FOCAD: variants seen among roughly 807,000 people sequenced by gnomAD.
FOCAD encodes KIAA1797.
Under a neutral mutation model 225.6 loss-of-function variants are expected in FOCAD, and 198 were observed. That is an observed-to-expected ratio of 0.88 (90% CI 0.78 to 0.99). FOCAD has a LOEUF of 0.99. FOCAD is among the 50% of genes least tolerant of loss of function. FOCAD has a pLI of 0.00. For missense variants in FOCAD, 2,713 were observed against 2,123.6 expected (o/e 1.28, Z -5.46); for synonymous variants, 897 against 755.0 (o/e 1.19, Z -3.08).
chr9:20,680,386 C>T (rs1424283364), upstream of FOCAD, among the ~76,000 whole-genome samples: 2 of 152,056 alleles, frequency 1.3e-5, no homozygotes, highest in Non-Finnish European at 2.9e-5. Context: ...GGTGTAACCC[C>T]GTCTCTACCA....
chr9:20,774,126 C>T (rs764051605), intron 8 of FOCAD, among the ~76,000 whole-genome samples: 2 of 152,184 alleles, frequency 1.3e-5, no homozygotes, highest in Admixed American at 6.5e-5. Context: ...GGTACAGTTT[C>T]ATCCCGAAAC....
At chr9:20,903,162 T>TA (rs1338952723) in intron 21 of FOCAD, among the ~76,000 whole-genome samples, 24 of 152,024 alleles carry the variant, frequency 1.6e-4, no homozygotes, top group Admixed American at 1.2e-3. Context: ...CTCCATCTCC[T>TA]AACAATCTCA....
chr9:20,721,703 A>T (rs1825778786), intron 4 of FOCAD, among the ~76,000 whole-genome samples: 1 of 152,132 alleles, frequency 6.6e-6, no homozygotes. Context: ...TTCCATCTTA[A>T]CAACAACAAC....
chr9:20,869,442 A>C (rs182614506), intron 18 of FOCAD, among the ~76,000 whole-genome samples: 24 of 152,292 alleles, frequency 1.6e-4, no homozygotes, highest in Admixed American at 3.9e-4. Flanking sequence ...TTACTTAAAT[A>C]TTTCTTGTTG....
intron 1 of FOCAD, among the ~76,000 whole-genome samples, chr9:20,714,719 ACTTTT>A (rs1343201262): frequency 2.6e-5 from 3 of 115,366 alleles, no homozygotes; most frequent in East Asian, 2.5e-4. Context: ...TCTCTCTTTC[ACTTTT>A]CTTTTCTTGT....
At chr9:20,848,484 A>G (rs59533952) in intron 15 of FOCAD, among the ~76,000 whole-genome samples, 33,934 of 151,642 alleles carry the variant, frequency 0.22, 4,025 homozygotes, top group South Asian at 0.31. Flanking sequence ...GGCTTTGGGG[A>G]AAAGGGTTCT....
intron 40 of FOCAD, among the ~76,000 whole-genome samples, chr9:20,986,701 T>C (rs965081902): frequency 2.0e-5 from 3 of 152,230 alleles, no homozygotes; most frequent in African/African-American, 7.2e-5. Context: ...TATTTGGCTC[T>C]GTAGACCCTC....
chr9:20,795,062 C>G (rs1820910676), intron 11 of FOCAD, among the ~76,000 whole-genome samples: 1 of 152,060 alleles, frequency 6.6e-6, no homozygotes, highest in African/African-American at 2.4e-5. Context: ...AATAGGATAA[C>G]TCCCTGGACC....
chr9:20,879,656 C>G (rs1208324460), intron 19 of FOCAD, among the ~76,000 whole-genome samples: 2 of 152,082 alleles, frequency 1.3e-5, no homozygotes, highest in Non-Finnish European at 2.9e-5. Flanking sequence ...TTTAAATTCC[C>G]ATCTGGTCAT....
chr9:20,968,455 T>G (rs12003211), intron 35 of FOCAD, among the ~76,000 whole-genome samples: 37 of 139,980 alleles, frequency 2.6e-4, no homozygotes, highest in African/African-American at 9.7e-4. Flanking sequence ...TTTTTTTTTT[T>G]GGGAGAGTTA....
chr9:20,913,856 A>G (rs1833648352), intron 23 of FOCAD, among the ~76,000 whole-genome samples: 1 of 152,216 alleles, frequency 6.6e-6, no homozygotes, highest in Non-Finnish European at 1.5e-5. Flanking sequence ...GTGAAGTAGT[A>G]TATTTGCTAA....
chr9:20,696,488 C>T (rs1015702767), intron 1 of FOCAD, among the ~76,000 whole-genome samples: 11 of 152,174 alleles, frequency 7.2e-5, no homozygotes, highest in Non-Finnish European at 1.6e-4. Flanking sequence ...ATGCTTGTCC[C>T]TCTCAAAATT....
intron 35 of FOCAD, among the ~76,000 whole-genome samples, chr9:20,955,669 A>G (rs1838072641): frequency 6.6e-6 from 1 of 151,978 alleles, no homozygotes; most frequent in Non-Finnish European, 1.5e-5. Flanking sequence ...CTAGCCTTAA[A>G]ATCTTTGCTC....
At chr9:20,720,622 C>A in intron 4 of FOCAD, 88 bp downstream of exon 4, 4 of 1,306,996 alleles carry the variant, frequency 3.1e-6, no homozygotes, top group Non-Finnish European at 4.2e-6. Flanking sequence ...CAGCATTCAT[C>A]CTACTTGCCA....
chr9:20,735,611 G>C (rs1189331061), intron 4 of FOCAD, among the ~76,000 whole-genome samples: 3 of 151,664 alleles, frequency 2.0e-5, no homozygotes, highest in Non-Finnish European at 4.4e-5. Context: ...AAACTCCTGG[G>C]CTCAAGTGAT....
chr9:20,710,883 A>T (rs1029393521), intron 1 of FOCAD, among the ~76,000 whole-genome samples: 1 of 152,246 alleles, frequency 6.6e-6, no homozygotes, highest in Non-Finnish European at 1.5e-5. Context: ...AAATTAATTT[A>T]AAAATAGTTT....
chr9:20,865,785 A>G (rs1207572697), intron 16 of FOCAD, 141 bp from the exon 17 acceptor site: 2 of 543,440 alleles, frequency 3.7e-6, no homozygotes, highest in East Asian at 3.2e-5. Context: ...TTTATGAATG[A>G]TGGGTGAATA....
chr9:20,945,197 T>C (rs1000258353), intron 29 of FOCAD, among the ~76,000 whole-genome samples: 1 of 151,854 alleles, frequency 6.6e-6, no homozygotes, highest in Admixed American at 6.6e-5. Flanking sequence ...AAAATATTAT[T>C]GAGAAAATTC....
chr9:20,789,323 T>G (rs1222145169), intron 10 of FOCAD, 28 bp from the exon 11 acceptor site: 1 of 1,598,410 alleles, frequency 6.3e-7, no homozygotes, highest in African/African-American at 1.3e-5. Flanking sequence ...TCTCACTTAT[T>G]TATGCCTCTC....
Sources: allele counts gnomAD v4.1 joint callset (sites outside exome capture counted in the v4.1 genomes callset), GRCh38; gene constraint gnomAD v4.1.1; transcripts MANE v1.5; gene names NCBI Gene and HGNC (gene_info 2026-07-23, HGNC 2026-07-21).